Variants in MMP8 observed in about 807,000 individuals in gnomAD.
MMP8 encodes matrix metallopeptidase 8.
In MMP8, 67 loss-of-function variants were observed where a neutral mutation model predicts 51.2. The observed-to-expected ratio is 1.31, with a 90% CI of 1.08 to 1.60. The LOEUF (loss-of-function observed/expected upper bound fraction) is 1.60, where lower values mean the gene tolerates loss of function less well. Ranked by LOEUF, MMP8 falls within the 40% of genes most tolerant of loss-of-function variation. The pLI is 0.00. For synonymous variants in MMP8, 225 were observed against 191.0 expected (o/e 1.18, Z -1.47); for missense variants, 654 against 558.1 (o/e 1.17, Z -1.73).
chr11:102,721,533 T>G lies in MMP8; in HGVS notation c.497-7A>C, dbSNP rs1861471107. 1 of 1,613,638 alleles carries G rather than the reference T, an allele frequency of 6.2e-7. No homozygotes were observed. The highest frequency in any genetic ancestry group is 1.3e-5 in the African/African-American group (1 of 74,882). ...GGAGAATTGTCACCGTGATCTGAAATAAGAACATTTGTATTAGATCCTTGC... is the reference window on the plus strand; with the variant it reads ...GGAGAATTGTCACCGTGATCTGAAAGAAGAACATTTGTATTAGATCCTTGC... On this transcript the variant is annotated splice_polypyrimidine_tract_variant and splice_region_variant and intron_variant, in intron 3 of 9. Coordinates refer to ENST00000236826, the MANE Select transcript of MMP8 (RefSeq NM_002424.3).
At chr11:102,713,708 T>C (rs1861193070) in intron 9 of MMP8, 46 bp downstream of exon 9, 1 of 1,497,292 alleles carries the variant, frequency 6.7e-7, no homozygotes, top group South Asian at 1.2e-5. Flanking sequence ...TCCTCTATAA[T>C]AAACAAACAA....
chr11:102,719,139 T>A (rs374442060), intron 4 of MMP8, among the ~76,000 whole-genome samples: 17 of 152,200 alleles, frequency 1.1e-4, no homozygotes, highest in Non-Finnish European at 2.1e-4. Context: ...AGACAAATCC[T>A]ACCCTTATTG....
In MMP8 at chr11:102,723,282, A is replaced by G. The variant is rs113479958; in HGVS notation, c.103-609T>C. 2.1e-3 allele frequency among the ~76,000 whole-genome samples: 314 copies of G among 152,320 alleles called. 1 individual carries two copies. The highest frequency in any genetic ancestry group is 3.9e-3 in the Non-Finnish European group (264 of 68,024). ...AAGTGTTAAATTTAGTCAAAATCCA[A>G]AGAGTTTAGCCTAAAAATTACCTAT... On this transcript the variant is annotated intron_variant, in intron 1 of 9. Coordinates refer to ENST00000236826, the MANE Select transcript of MMP8 (RefSeq NM_002424.3).
chr11:102,718,373 A>G (rs1269398801), intron 5 of MMP8, 41 bp downstream of exon 5: 2 of 1,574,380 alleles, frequency 1.3e-6, no homozygotes, highest in African/African-American at 2.7e-5. Context: ...GCCTATTCCC[A>G]GGTCCTACCA....
In MMP8 at chr11:102,716,423, G is replaced by GAAAAAAA. The variant is rs751481811; in HGVS notation, c.785-11_785-5dup. 3.0e-5 allele frequency: 12 copies of GAAAAAAA among 395,660 alleles called. No homozygotes were observed. The highest frequency in any genetic ancestry group is 1.8e-4 in the African/African-American group (5 of 27,064). 24.5% of individuals were successfully genotyped at this position (395,660 alleles called of 1,614,324 possible). ...TGGATAGGGTTGCTTGAAAGTCCTGGAAAAAAAAAAAAAAAAAAAAAAAAG... is the reference window on the plus strand; with the variant it reads ...TGGATAGGGTTGCTTGAAAGTCCTGGAAAAAAAAAAAAAAAAAAAAAAAAAAAAAAAG... On this transcript the variant is annotated splice_region_variant and splice_polypyrimidine_tract_variant and intron_variant, in intron 5 of 9. Coordinates refer to ENST00000236826, the MANE Select transcript of MMP8 (RefSeq NM_002424.3).
In MMP8 at chr11:102,713,751, T is replaced by TA. The variant is rs746950368; in HGVS notation, c.1294+2dup. The TA allele has an allele frequency of 6.9e-6, 11 of 1,596,442 alleles. No homozygotes were observed. In the African/African-American group the frequency reaches 1.4e-4, roughly 20 times the overall value. Reference sequence around the variant, plus strand: ...ATTTATTAGGTTTTTTTTTCCTACTTACGTTCTTGCTGGAAAACTGCATCA... The same window carrying TA: ...ATTTATTAGGTTTTTTTTTCCTACTTAACGTTCTTGCTGGAAAACTGCATCA... On this transcript the variant is annotated splice_region_variant and intron_variant, in intron 9 of 9. Coordinates refer to ENST00000236826, the MANE Select transcript of MMP8 (RefSeq NM_002424.3).
intron 1 of MMP8, chr11:102,723,080 T>C: frequency 7.8e-7 from 1 of 1,285,286 alleles, no homozygotes; most frequent in Non-Finnish European, 1.0e-6. Flanking sequence ...TTATTTATTC[T>C]GCTGAACAAA....
chr11:102,722,298 C>CT, intron 2 of MMP8, 131 bp downstream of exon 2: 1 of 994,362 alleles, frequency 1.0e-6, no homozygotes, highest in Non-Finnish European at 1.5e-6. Flanking sequence ...TATTCATTCA[C>CT]TACTCACACT....
chr11:102,721,318 T>TTGTGTGTG (rs5794191), intron 4 of MMP8, 83 bp downstream of exon 4: 222 of 1,353,506 alleles, frequency 1.6e-4, no homozygotes, highest in African/African-American at 8.4e-4. Flanking sequence ...GTTACCTTTA[T>TTGTGTGTG]TGTGTGTGTG....
chr11:102,716,470 C>A (rs1273429517), intron 5 of MMP8, 51 bp from the exon 6 acceptor site: 4 of 1,177,734 alleles, frequency 3.4e-6, no homozygotes, highest in African/African-American at 1.6e-5. Context: ...GAGAGTAAGT[C>A]CGGTGTGACT....
rs58774554 is a variant in MMP8 at position 102,714,762 on chromosome 11, TTATATATATATATATATATATATA to T, written c.1037-77_1037-54del. ...ATACGACTTTTCCATTTTTACAAAA[TTATATATATATATATATATATATA>T]TATATATATATATATATATACCACT... On this transcript the variant is annotated intron_variant, in intron 7 of 9. Transcript: ENST00000236826. 3.8e-4 allele frequency: 67 copies of T among 176,642 alleles called. 4 individuals are homozygous for T. In the Middle Eastern group the frequency reaches 6.6e-3, roughly 17 times the overall value. 10.9% of individuals were successfully genotyped at this position (176,642 alleles called of 1,614,324 possible).
rs1861293662 is a variant in MMP8, at chr11:102,716,350, A to G, written c.854T>C (p.Phe285Ser). Reference sequence around the variant, plus strand: ...TCCACGGAGTGTGGTGATAGCATCAAATGTCAAACTGGGGTCACAGGGTTT... The same window carrying G: ...TCCACGGAGTGTGGTGATAGCATCAGATGTCAAACTGGGGTCACAGGGTTT... Reference protein sequence around the residue: ...TPKPCDPSLTFDAITTLRGEI... With the variant: ...TPKPCDPSLTSDAITTLRGEI... The change falls in exon 6 of 10, where the codon TTT becomes TCT. Residue 285 changes from phenylalanine to serine, a missense_variant. By Grantham distance (155) the Phe-to-Ser change is radical (BLOSUM62 -2). Coordinates refer to ENST00000236826, the MANE Select transcript of MMP8 (RefSeq NM_002424.3). The G allele has an allele frequency of 1.9e-6, 3 of 1,608,372 alleles. No individual in the cohort carries two copies. The highest frequency in any genetic ancestry group is 1.3e-5 in the African/African-American group (1 of 74,284).
chr11:102,716,226 G>T, intron 6 of MMP8, 76 bp downstream of exon 6: 9 of 1,054,346 alleles, frequency 8.5e-6, no homozygotes, highest in Admixed American at 2.2e-5. Flanking sequence ...GGTGACTAAC[G>T]TGTGACTTAA....
Position 102,712,338 on chromosome 11 carries a change from G to C in MMP8, c.*1010C>G, listed in dbSNP as rs535982400. ...GAAGATGCCCAGTAGTCCTTAGCAA[G>C]GGTTCTACTTCTGCATTCTGTGTTG... On this transcript the variant is annotated 3_prime_UTR_variant, in exon 10 of 10. Transcript: ENST00000236826. 6.6e-6 allele frequency: 1 copy of C among 152,392 alleles called. No homozygotes were observed. Among genetic ancestry groups the C allele is most frequent in the South Asian group, 2.1e-4 (1 of 4,818 alleles). The allele number at this position is 152,392 out of a possible 1,614,324, so 9.4% of individuals were successfully genotyped here.
chr11:102,713,804 C>T lies in MMP8; in HGVS notation c.1244G>A (p.Gly415Asp). The change falls in exon 9 of 10, where the codon GGT becomes GAT. Residue 415 changes from glycine to aspartate, a missense_variant. Transcript: ENST00000236826. The part of the protein sequence containing the change: ...MEPGYPKSIS[G>D]AFPGIESKVD... ...TTTACTCTCTATTCCTGGAAAGGCACCTGATATGCTTTTGGGATAACCTGG... is the reference window on the plus strand; with the variant it reads ...TTTACTCTCTATTCCTGGAAAGGCATCTGATATGCTTTTGGGATAACCTGG... The T allele has an allele frequency of 6.2e-7, 1 of 1,612,476 alleles. No individual in the cohort carries two copies. The highest frequency in any genetic ancestry group is 8.5e-7 in the Non-Finnish European group (1 of 1,179,326).
At position 102,716,426 on chromosome 11, in the gene MMP8, A is replaced by G. The variant is rs764052090; in HGVS notation, c.785-7T>C. The G allele has an allele frequency of 2.8e-5, 30 of 1,078,142 alleles. No individual in the cohort carries two copies. The East Asian group carries it at 4.0e-4, about 14-fold the overall frequency. The allele number at this position is 1,078,142 out of a possible 1,614,324, so 66.8% of individuals were successfully genotyped here. On this transcript the variant is annotated splice_polypyrimidine_tract_variant and splice_region_variant and intron_variant, in intron 5 of 9. Transcript: ENST00000236826. ...ATAGGGTTGCTTGAAAGTCCTGGAA[A>G]AAAAAAAAAAAAAAAAAAAAAGGTC...
Position 102,718,487 on chromosome 11 carries a change from G to A in MMP8, c.711C>T (p.Pro237=), listed in dbSNP as rs1266189519. 6.2e-7 allele frequency: 1 copy of A among 1,613,826 alleles called. No individual in the cohort carries two copies. Among genetic ancestry groups the A allele is most frequent in the Non-Finnish European group, 8.5e-7 (1 of 1,179,900 alleles). The change falls in exon 5 of 10, where the codon CCC becomes CCT. Residue 237 remains proline, a synonymous_variant. Coordinates refer to ENST00000236826, the MANE Select transcript of MMP8 (RefSeq NM_002424.3). ...HSSDPGALMY[P]NYAFRETSNY... The stretch of plus-strand genomic sequence containing the variant: ...TGCTGGTTTCCCTGAAAGCATAGTT[G>A]GGATACATCAAGGCACCAGGGTCAG...
intron 8 of MMP8, 95 bp downstream of exon 8, chr11:102,714,461 C>A: frequency 2.6e-6 from 2 of 784,098 alleles, no homozygotes; most frequent in Non-Finnish European, 3.6e-6. Flanking sequence ...TAGAGACTAT[C>A]TAGATTGTTT....
Position 102,713,740 on chromosome 11 carries a change from T to A in MMP8, c.1294+14A>T. 6.3e-7 allele frequency: 1 copy of A among 1,581,336 alleles called. No individual in the cohort carries two copies. The highest frequency in any genetic ancestry group is 8.6e-7 in the Non-Finnish European group (1 of 1,160,312). Reference sequence around the variant, plus strand: ...ACAAACAACACATTTATTAGGTTTTTTTTTCCTACTTACGTTCTTGCTGGA... The same window carrying A: ...ACAAACAACACATTTATTAGGTTTTATTTTCCTACTTACGTTCTTGCTGGA... On this transcript the variant is annotated intron_variant, in intron 9 of 9. Transcript: ENST00000236826.
Sources: allele counts gnomAD v4.1 joint callset (sites outside exome capture counted in the v4.1 genomes callset), GRCh38; gene constraint gnomAD v4.1.1; transcripts MANE v1.5; gene names NCBI Gene and HGNC (gene_info 2026-07-23, HGNC 2026-07-21).